The following PTBP3 variants were observed in gnomAD, a reference collection of about 807,000 sequenced individuals.
PTBP3 encodes polypyrimidine tract-binding protein 3.
Under a neutral mutation model 58.7 loss-of-function variants are expected in PTBP3, and 20 were observed. The ratio of observed to expected loss-of-function variants is 0.34; its 90% CI spans 0.24 to 0.50. The LOEUF (loss-of-function observed/expected upper bound fraction) is 0.50, where lower values mean the gene tolerates loss of function less well. Ranked by LOEUF, PTBP3 falls within the 20% of genes least tolerant of loss-of-function variation. The pLI, the probability that PTBP3 is intolerant of heterozygous loss-of-function variation, is 0.98. For missense variants in PTBP3, 509 were observed against 637.2 expected (o/e 0.80, Z 2.17); for synonymous variants, 185 against 219.8 (o/e 0.84, Z 1.40).
chr9:112,364,177 CTTTTTTTTTTTTTTT>C, the PTBP3 span, among the ~76,000 whole-genome samples: 4 of 73,534 alleles, frequency 5.4e-5, no homozygotes, highest in East Asian at 4.8e-4. Flanking sequence ...TAGGTCAGTT[CTTTTTTTTTTTTTTT>C]TTTTTTTTTT....
chr9:112,333,028 C>T, intron 1 of PTBP3: 6 of 1,276,548 alleles, frequency 4.7e-6, no homozygotes, highest in Non-Finnish European at 5.9e-6. Flanking sequence ...CCCCACCTCG[C>T]CGGTAAACAG....
intron 1 of PTBP3, among the ~76,000 whole-genome samples, chr9:112,313,032 A>C (rs376413634): frequency 5.5e-4 from 84 of 152,182 alleles, no homozygotes; most frequent in African/African-American, 2.0e-3. Flanking sequence ...TGACAGCAAG[A>C]CACTGTTTCA....
intron 1 of PTBP3, among the ~76,000 whole-genome samples, chr9:112,328,562 C>T (rs906559615): frequency 1.3e-5 from 2 of 152,192 alleles, no homozygotes; most frequent in Non-Finnish European, 2.9e-5. Context: ...AGGGCAGGCA[C>T]AGTGGCTCAT....
Position 112,312,485 on chromosome 9 carries a change from T to TTG in PTBP3, c.-51-14570_-51-14569insCA, listed in dbSNP as rs1564455562. The stretch of plus-strand genomic sequence containing the variant: ...GAATGAACGAGACCTTGTTTTTTTT[T>TTG]TTGTTTTTTTTTTTTAAAAAAAAAA... On this transcript the variant is annotated intron_variant, in intron 1 of 13. Coordinates refer to ENST00000374257, the MANE Select transcript of PTBP3 (RefSeq NM_001163788.4). Among the ~76,000 whole-genome samples, 13 of 52,264 alleles carry TTG rather than the reference T, an allele frequency of 2.5e-4. No homozygotes were observed. The East Asian group carries it at 2.8e-3, about 11-fold the overall frequency. 34.3% of individuals were successfully genotyped at this position (52,264 alleles called of 152,430 possible).
intron 1 of PTBP3, among the ~76,000 whole-genome samples, chr9:112,308,772 G>A (rs1003834841): frequency 6.6e-6 from 1 of 151,956 alleles, no homozygotes; most frequent in Admixed American, 6.5e-5. Flanking sequence ...GTGTTTCTAA[G>A]GAGACTGTCC....
Position 112,328,665 on chromosome 9 carries a change from T to C in PTBP3, c.-52+4805A>G, listed in dbSNP as rs180690451. On this transcript the variant is annotated intron_variant, in intron 1 of 13. Coordinates refer to ENST00000374257, the MANE Select transcript of PTBP3 (RefSeq NM_001163788.4). Reference sequence around the variant, plus strand: ...AGCTGGGCATGGTGGTGCACGCTTGTAGATTTACTAGCTACTTTGGAGGCT... The same window carrying C: ...AGCTGGGCATGGTGGTGCACGCTTGCAGATTTACTAGCTACTTTGGAGGCT... 2.2e-3 allele frequency among the ~76,000 whole-genome samples: 342 copies of C among 152,230 alleles called. 4 individuals are homozygous for C. The highest frequency in any genetic ancestry group is 3.2e-4 in the Non-Finnish European group (22 of 67,996).
At chr9:112,246,514 G>C (rs977991160) in intron 7 of PTBP3, among the ~76,000 whole-genome samples, 5 of 151,668 alleles carry the variant, frequency 3.3e-5, no homozygotes, top group African/African-American at 9.7e-5. Context: ...CTAACACGGT[G>C]AAAGTCCATC....
upstream of PTBP3, among the ~76,000 whole-genome samples, chr9:112,335,294 T>C (rs1407686249): frequency 6.6e-6 from 1 of 152,098 alleles, no homozygotes; most frequent in Non-Finnish European, 1.5e-5. Context: ...TTTTTTTGTT[T>C]TTTTGTTTTG....
intron 2 of PTBP3, among the ~76,000 whole-genome samples, chr9:112,276,582 T>A (rs1827620646): frequency 6.6e-6 from 1 of 152,134 alleles, no homozygotes. Flanking sequence ...TATATAACAA[T>A]AATTCTTAAC....
intron 1 of PTBP3, among the ~76,000 whole-genome samples, chr9:112,331,087 A>ACACACACG (rs1306488939): frequency 7.7e-6 from 1 of 130,354 alleles, no homozygotes; most frequent in East Asian, 2.1e-4. Flanking sequence ...AAACGAACAC[A>ACACACACG]CACACACACA....
the PTBP3 span, among the ~76,000 whole-genome samples, chr9:112,366,906 G>C: frequency 6.6e-6 from 1 of 152,188 alleles, no homozygotes; most frequent in East Asian, 1.9e-4. Context: ...ACCCTGTAAA[G>C]CCACAGGGGT....
At chr9:112,275,336 T>C (rs912791377) in intron 3 of PTBP3, among the ~76,000 whole-genome samples, 2 of 152,154 alleles carry the variant, frequency 1.3e-5, no homozygotes, top group African/African-American at 2.4e-5. Context: ...GGTTTCACCA[T>C]GTTGCCCAGG....
At chr9:112,249,390 G>A (rs1024178945) in intron 7 of PTBP3, among the ~76,000 whole-genome samples, 1 of 152,096 alleles carries the variant, frequency 6.6e-6, no homozygotes, top group Non-Finnish European at 1.5e-5. Flanking sequence ...CTCAGCCCTA[G>A]AAACTGTAAA....
chr9:112,238,042 T>C (rs1008219482), intron 7 of PTBP3, among the ~76,000 whole-genome samples: 1 of 152,168 alleles, frequency 6.6e-6, no homozygotes, highest in Middle Eastern at 3.4e-3. Flanking sequence ...AACACCTTAA[T>C]CCTGAGCCTC....
intron 1 of PTBP3, among the ~76,000 whole-genome samples, chr9:112,303,739 C>T (rs1178646162): frequency 2.0e-5 from 3 of 152,290 alleles, no homozygotes; most frequent in African/African-American, 7.2e-5. Context: ...TGGTGTGCAA[C>T]TCTAGCCCCA....
chr9:112,268,592 G>A (rs975037085), intron 3 of PTBP3, among the ~76,000 whole-genome samples: 5 of 151,292 alleles, frequency 3.3e-5, no homozygotes, highest in African/African-American at 1.2e-4. Flanking sequence ...GCTACTTGGG[G>A]TGGGGGGGTG....
At chr9:112,264,407 A>G (rs1836717048) in intron 4 of PTBP3, among the ~76,000 whole-genome samples, 1 of 152,214 alleles carries the variant, frequency 6.6e-6, no homozygotes, top group African/African-American at 2.4e-5. Context: ...ATCTCAGAAT[A>G]TGACCTAAAT....
chr9:112,290,701 TATATATACACACACACAC>T (rs1564438570), intron 2 of PTBP3, among the ~76,000 whole-genome samples: 4 of 64,844 alleles, frequency 6.2e-5, no homozygotes, highest in Non-Finnish European at 1.1e-4. Flanking sequence ...TATATATATA[TATATATACACACACACAC>T]ACACACACAC....
chr9:112,347,714 T>G, the PTBP3 span, among the ~76,000 whole-genome samples: 1 of 152,276 alleles, frequency 6.6e-6, no homozygotes, highest in East Asian at 1.9e-4. Context: ...TATCTATACA[T>G]AAATACATAT....
Sources: allele counts gnomAD v4.1 joint callset (sites outside exome capture counted in the v4.1 genomes callset), GRCh38; gene constraint gnomAD v4.1.1; transcripts MANE v1.5; gene names NCBI Gene and HGNC (gene_info 2026-07-23, HGNC 2026-07-21).